Variants in PDE4D observed in about 807,000 individuals in gnomAD.
PDE4D encodes phosphodiesterase 4D.
In PDE4D, 24 loss-of-function variants were observed where a neutral mutation model predicts 87.4. That is an observed-to-expected ratio of 0.27 (90% CI 0.20 to 0.39). The LOEUF is 0.39. Ranked by LOEUF, PDE4D falls within the 10% of genes least tolerant of loss-of-function variation. The pLI is 1.00. For synonymous variants in PDE4D, 384 were observed against 383.2 expected, an observed-to-expected ratio of 1.00 and a Z score of -0.02; for missense variants, 714 against 1,041.0, an observed-to-expected ratio of 0.69 and a Z score of 4.32.
intron 3 of PDE4D, among the ~76,000 whole-genome samples, chr5:59,906,948 T>C (rs1036041469): frequency 2.0e-5 from 3 of 152,158 alleles, no homozygotes; most frequent in Non-Finnish European, 4.4e-5. Context: ...CTTGCAGCAC[T>C]GTTCACAATA....
At chr5:59,647,744 C>T (rs1442891620) in intron 1 of PDE4D, among the ~76,000 whole-genome samples, 1 of 152,066 alleles carries the variant, frequency 6.6e-6, no homozygotes. Context: ...TATGTGTTCA[C>T]ATTTAAAACC....
intron 1 of PDE4D, among the ~76,000 whole-genome samples, chr5:60,311,808 T>C (rs1755064373): frequency 1.3e-5 from 2 of 152,224 alleles, no homozygotes; most frequent in Admixed American, 6.5e-5. Context: ...CTGTATGCTA[T>C]CTTCAAGAGA....
At chr5:59,568,490 G>A (rs1000771770) in intron 1 of PDE4D, among the ~76,000 whole-genome samples, 1 of 152,020 alleles carries the variant, frequency 6.6e-6, no homozygotes, top group Admixed American at 6.6e-5. Flanking sequence ...CAAAGGGTAG[G>A]TATGAAAATA....
At chr5:59,695,501 G>A (rs535706051) in intron 1 of PDE4D, among the ~76,000 whole-genome samples, 1 of 152,234 alleles carries the variant, frequency 6.6e-6, no homozygotes, top group African/African-American at 2.4e-5. Context: ...CTCTTGTCTG[G>A]GCCCTAGCAA....
intron 1 of PDE4D, among the ~76,000 whole-genome samples, chr5:60,511,406 A>T (rs1469026044): frequency 6.6e-6 from 1 of 152,212 alleles, no homozygotes; most frequent in East Asian, 1.9e-4. Context: ...AACTCTAAAG[A>T]ATAAAGTAAG....
intron 5 of PDE4D, among the ~76,000 whole-genome samples, chr5:59,111,130 T>C (rs1334833775): frequency 6.6e-6 from 1 of 152,226 alleles, no homozygotes; most frequent in Non-Finnish European, 1.5e-5. Flanking sequence ...TATGCTGTGA[T>C]AATCTATACA....
chr5:60,386,587 T>C (rs1405558236), intron 1 of PDE4D, among the ~76,000 whole-genome samples: 1 of 152,202 alleles, frequency 6.6e-6, no homozygotes, highest in African/African-American at 2.4e-5. Context: ...GCTCCAGCAC[T>C]GATGGGCAGA....
intron 2 of PDE4D, among the ~76,000 whole-genome samples, chr5:60,110,052 G>T (rs947892664): frequency 3.3e-5 from 5 of 151,936 alleles, no homozygotes; most frequent in Non-Finnish European, 7.4e-5. Context: ...TTTTGGTTGG[G>T]TGGTTGCTTT....
intron 1 of PDE4D, among the ~76,000 whole-genome samples, chr5:59,394,454 C>T (rs894823748): frequency 6.6e-6 from 1 of 151,928 alleles, no homozygotes; most frequent in Non-Finnish European, 1.5e-5. Flanking sequence ...TTTTTTTGCC[C>T]AATGTGTAAG....
intron 1 of PDE4D, among the ~76,000 whole-genome samples, chr5:59,777,042 C>T (rs1386201238): frequency 1.3e-5 from 2 of 152,172 alleles, no homozygotes; most frequent in African/African-American, 2.4e-5. Context: ...TTAATGTTTC[C>T]AGGAACCCTT....
At position 59,649,904 on chromosome 5, in the gene PDE4D, C is replaced by CTTTTTTT. The variant is rs1561402852; in HGVS notation, c.455+243263_455+243264insAAAAAAA. On this transcript the variant is annotated intron_variant, in intron 1 of 14. Coordinates refer to ENST00000340635, the MANE Select transcript of PDE4D (RefSeq NM_001104631.2). ...TGTTAAAATGTTGATAGTTTGTGAA[C>CTTTTTTT]CTTTTTTTTTTTTTTTTTTTTTTTT... 3.7e-3 allele frequency among the ~76,000 whole-genome samples: 270 copies of CTTTTTTT among 73,946 alleles called. 48 individuals are homozygous for CTTTTTTT. The highest frequency in any genetic ancestry group is 6.4e-3 in the South Asian group (11 of 1,726). 48.5% of individuals were successfully genotyped at this position (73,946 alleles called of 152,430 possible).
intron 1 of PDE4D, among the ~76,000 whole-genome samples, chr5:59,220,601 C>T (rs1752340786): frequency 6.6e-6 from 1 of 152,012 alleles, no homozygotes; most frequent in African/African-American, 2.4e-5. Flanking sequence ...GAGAATTAGA[C>T]ACTTACTTAA....
chr5:59,691,053 T>A (rs1750826720), intron 1 of PDE4D, among the ~76,000 whole-genome samples: 2 of 152,136 alleles, frequency 1.3e-5, no homozygotes, highest in South Asian at 4.1e-4. Flanking sequence ...ATGGCAATCA[T>A]TAAAAAGTAA....
intron 1 of PDE4D, among the ~76,000 whole-genome samples, chr5:59,258,608 T>C (rs1474351891): frequency 6.7e-6 from 1 of 150,254 alleles, no homozygotes. Flanking sequence ...TATTAAAATA[T>C]AATTTACATA....
At chr5:60,222,728 C>T (rs1383250317) in intron 1 of PDE4D, among the ~76,000 whole-genome samples, 1 of 151,982 alleles carries the variant, frequency 6.6e-6, no homozygotes, top group Non-Finnish European at 1.5e-5. Flanking sequence ...TCTCTGATGA[C>T]TAATAAAAGT....
chr5:60,295,023 T>G (rs760466830), intron 1 of PDE4D, among the ~76,000 whole-genome samples: 3 of 152,142 alleles, frequency 2.0e-5, no homozygotes, highest in Non-Finnish European at 4.4e-5. Context: ...TTTATTGAAG[T>G]CTTCTTAAAT....
At chr5:59,077,481 T>G (rs1765904411) in intron 5 of PDE4D, among the ~76,000 whole-genome samples, 1 of 150,154 alleles carries the variant, frequency 6.7e-6, no homozygotes. Context: ...TCTTCTTTTT[T>G]TTTTTTTTTT....
intron 1 of PDE4D, among the ~76,000 whole-genome samples, chr5:59,521,517 T>C (rs1045791221): frequency 1.3e-5 from 2 of 152,330 alleles, no homozygotes; most frequent in East Asian, 1.9e-4. Flanking sequence ...AGCTTTCTAA[T>C]TGGCCTTGCA....
chr5:59,455,016 A>C (rs753640830), intron 1 of PDE4D, among the ~76,000 whole-genome samples: 2 of 152,212 alleles, frequency 1.3e-5, no homozygotes, highest in African/African-American at 4.8e-5. Flanking sequence ...AAAGGCATTC[A>C]GTTTTATAAG....
Sources: gnomAD v4.1 joint callset for allele counts (sites outside exome capture counted in the v4.1 genomes callset) on GRCh38, gnomAD v4.1.1 for gene constraint, MANE v1.5 for transcripts, NCBI Gene and HGNC (gene_info 2026-07-23, HGNC 2026-07-21) for gene names.